SOX30: variants seen among roughly 807,000 people sequenced by gnomAD.
SOX30 encodes the protein SRY-box transcription factor 30.
Under a neutral mutation model 58.6 loss-of-function variants are expected in SOX30, and 17 were observed. The observed-to-expected ratio is 0.29, with a 90% CI of 0.20 to 0.44. The LOEUF (loss-of-function observed/expected upper bound fraction) is 0.44, where lower values mean the gene tolerates loss of function less well. Ranked by LOEUF, SOX30 falls within the 20% of genes least tolerant of loss-of-function variation. The pLI is 1.00. For synonymous variants in SOX30, 421 were observed against 400.2 expected (o/e 1.05, Z -0.62); for missense variants, 951 against 965.8 (o/e 0.98, Z 0.20).
intron 1 of SOX30, among the ~76,000 whole-genome samples, chr5:157,668,852 G>A (rs139885661): frequency 6.6e-6 from 1 of 152,176 alleles, no homozygotes; most frequent in Non-Finnish European, 1.5e-5. Context: ...CTGAGCCTGG[G>A]AGTAGGAAGG....
intron 3 of SOX30, among the ~76,000 whole-genome samples, chr5:157,641,657 G>T (rs1420542585): frequency 2.0e-5 from 3 of 152,076 alleles, no homozygotes; most frequent in Non-Finnish European, 4.4e-5. Context: ...TTCTATCAAA[G>T]AAATAGTAAA....
intron 3 of SOX30, 86 bp downstream of exon 3, chr5:157,646,551 G>T: frequency 1.0e-6 from 1 of 954,768 alleles, no homozygotes; most frequent in Non-Finnish European, 1.6e-6. Context: ...AAATTCTTAA[G>T]ACTAACAGAA....
At chr5:157,627,294 T>A (rs1057270931) in intron 4 of SOX30, among the ~76,000 whole-genome samples, 1 of 151,646 alleles carries the variant, frequency 6.6e-6, no homozygotes. Flanking sequence ...ACCCAGGAGG[T>A]AGAGGTTGCA....
At chr5:157,655,580 C>T (rs892141235), upstream of SOX30, among the ~76,000 whole-genome samples, 1 of 152,150 alleles carries the variant, frequency 6.6e-6, no homozygotes, top group African/African-American at 2.4e-5. Flanking sequence ...GGAGCTTTTT[C>T]CTCCCGTAAA....
intron 3 of SOX30, among the ~76,000 whole-genome samples, chr5:157,642,722 A>T (rs150292770): frequency 6.6e-6 from 1 of 152,306 alleles, no homozygotes; most frequent in African/African-American, 2.4e-5. Context: ...TGTACAAATG[A>T]GCCCAACTGC....
At chr5:157,662,693 G>A (rs554828449) in intron 2 of SOX30, among the ~76,000 whole-genome samples, 19 of 152,260 alleles carry the variant, frequency 1.2e-4, no homozygotes, top group African/African-American at 4.6e-4. Context: ...GCCATGAAAG[G>A]AAGTAGGGGT....
chr5:157,635,101 T>C (rs1758894918), intron 4 of SOX30, among the ~76,000 whole-genome samples: 1 of 152,194 alleles, frequency 6.6e-6, no homozygotes, highest in South Asian at 2.1e-4. Flanking sequence ...ATCAGACACA[T>C]ACAGGTAGAG....
At chr5:157,633,921 T>C (rs775489185) in intron 4 of SOX30, among the ~76,000 whole-genome samples, 1 of 152,080 alleles carries the variant, frequency 6.6e-6, no homozygotes, top group African/African-American at 2.4e-5. Context: ...ATACTATGTA[T>C]CTCCCTTGAA....
chr5:157,648,956 T>C, intron 1 of SOX30, 60 bp from the exon 2 acceptor site: 2 of 1,507,572 alleles, frequency 1.3e-6, no homozygotes, highest in South Asian at 2.6e-5. Flanking sequence ...ACACACAATT[T>C]TAAGGTAAAG....
At position 157,626,603 on chromosome 5, in the gene SOX30, T is replaced by C. The variant is rs748365237; in HGVS notation, c.1999A>G (p.Asn667Asp). ...PKHEGIFSTL[N>D]RDYSFRDYSS... ...TAGTCTCTAAAAGAATAGTCTCTATTTAAAGTTGAAAAGATACCCTCATGT... is the reference window on the plus strand; with the variant it reads ...TAGTCTCTAAAAGAATAGTCTCTATCTAAAGTTGAAAAGATACCCTCATGT... The change falls in exon 5 of 5, where the codon AAT becomes GAT. Residue 667 changes from asparagine to aspartate, a missense_variant. Asn to Asp is a conservative substitution (Grantham distance 23, BLOSUM62 1). Around this residue, in one of 7 missense-constraint regions of SOX30, gnomAD observed 381 missense variants for 390.0 expected, o/e 0.98. Coordinates refer to ENST00000265007, the MANE Select transcript of SOX30 (RefSeq NM_178424.2). 2.6e-5 allele frequency: 42 copies of C among 1,614,196 alleles called. No homozygotes were observed. The South Asian group carries it at 4.3e-4, about 16-fold the overall frequency.
intron 2 of SOX30, among the ~76,000 whole-genome samples, chr5:157,647,189 G>T (rs1268442412): frequency 1.3e-5 from 2 of 151,866 alleles, no homozygotes; most frequent in African/African-American, 4.8e-5. Flanking sequence ...AGCCTCCTGA[G>T]CAGCTGGGAT....
chr5:157,668,276 A>T (rs1398607200), intron 1 of SOX30, among the ~76,000 whole-genome samples: 1 of 152,166 alleles, frequency 6.6e-6, no homozygotes, highest in Non-Finnish European at 1.5e-5. Flanking sequence ...TATTCCCCAC[A>T]CTGCAGGTCC....
chr5:157,670,100 T>C (rs574092249), intron 1 of SOX30, among the ~76,000 whole-genome samples: 1 of 152,320 alleles, frequency 6.6e-6, no homozygotes, highest in Non-Finnish European at 1.5e-5. Context: ...AGTGAACTGA[T>C]GGCCCCTCAA....
chr5:157,667,938 A>C, intron 1 of SOX30: 1 of 1,388,326 alleles, frequency 7.2e-7, no homozygotes, highest in Non-Finnish European at 9.7e-7. Flanking sequence ...ATTCCCCACA[A>C]CAACACTTGT....
At chr5:157,647,729 A>AT (rs996631574) in intron 2 of SOX30, among the ~76,000 whole-genome samples, 123 of 142,744 alleles carry the variant, frequency 8.6e-4, no homozygotes, top group Middle Eastern at 3.6e-3. Context: ...TAATTTTTTT[A>AT]TTTTTTTTTT....
At chr5:157,627,472 G>A (rs1411078097) in intron 4 of SOX30, among the ~76,000 whole-genome samples, 1 of 152,138 alleles carries the variant, frequency 6.6e-6, no homozygotes, top group African/African-American at 2.4e-5. Context: ...TGTTGGGGGG[G>A]AAATGTATAA....
intron 4 of SOX30, among the ~76,000 whole-genome samples, chr5:157,637,110 G>A (rs1376267934): frequency 1.5e-5 from 2 of 129,840 alleles, no homozygotes; most frequent in Non-Finnish European, 3.1e-5. Context: ...TCCAGCCTGG[G>A]CAACAAGAGC....
chr5:157,667,729 AC>A, intron 2 of SOX30: 1 of 1,513,774 alleles, frequency 6.6e-7, no homozygotes, highest in Middle Eastern at 1.7e-4. Flanking sequence ...ACAGAGCGAG[AC>A]TCCATCTCAG....
intron 2 of SOX30, among the ~76,000 whole-genome samples, chr5:157,647,325 G>C (rs926719369): frequency 3.3e-5 from 5 of 151,836 alleles, no homozygotes; most frequent in Non-Finnish European, 7.4e-5. Flanking sequence ...CCTCCCAAAG[G>C]CTGGGATTAC....
Sources: allele counts gnomAD v4.1 joint callset (sites outside exome capture counted in the v4.1 genomes callset), GRCh38; gene constraint gnomAD v4.1.1; regional missense constraint gnomAD v4.1.1; transcripts MANE v1.5; gene names NCBI Gene and HGNC (gene_info 2026-07-23, HGNC 2026-07-21).